The following GDAP1 variants were observed in gnomAD, a reference collection of about 807,000 sequenced individuals.
GDAP1 encodes ganglioside induced differentiation associated protein 1.
Under a neutral mutation model 40.1 loss-of-function variants are expected in GDAP1, and 34 were observed. The ratio of observed to expected loss-of-function variants is 0.85; its 90% confidence interval spans 0.64 to 1.13. The LOEUF (loss-of-function observed/expected upper bound fraction) is 1.13, where lower values mean the gene tolerates loss of function less well. Among genes scored for constraint, GDAP1 ranks in the 50% most tolerant of loss-of-function variants. The probability of loss-of-function intolerance (pLI) is 0.00; values close to 1 mark genes in which losing one functional copy is unlikely to be tolerated. For missense variants in GDAP1, 374 were observed against 433.7 expected (o/e 0.86, Z 1.22); for synonymous variants, 170 against 157.4 (o/e 1.08, Z -0.60).
chr8:74,473,494 A>G (rs4735774), intron 2 of GDAP1, among the ~76,000 whole-genome samples: 58,895 of 152,090 alleles, frequency 0.39, 11,967 homozygotes, highest in East Asian at 0.48. Flanking sequence ...GAAAGGGTTC[A>G]GTTTCAATCT....
chr8:74,409,466 C>T lies in GDAP1; in HGVS notation c.165+58145C>T, dbSNP rs951364861. On this transcript the variant is annotated intron_variant, in intron 2 of 2. Coordinates refer to the GDAP1 transcript ENST00000523640. ...TCCCAGGCTCAAGCGATTCTCCTGC[C>T]CCAGCCTCCGGAGTAGCTGGGATTA... 3.3e-5 allele frequency among the ~76,000 whole-genome samples: 5 copies of T among 149,746 alleles called. 1 individual carries two copies. The highest frequency in any genetic ancestry group is 5.1e-5 in the African/African-American group (2 of 39,112).
At position 74,374,140 on chromosome 8, in the gene GDAP1, G is replaced by A. The variant is rs1586813304; in HGVS notation, c.165+22819G>A. 2.0e-5 allele frequency among the ~76,000 whole-genome samples: 3 copies of A among 152,276 alleles called. No homozygotes were observed. In the East Asian group the frequency reaches 5.8e-4, roughly 29 times the overall value. On this transcript the variant is annotated intron_variant, in intron 2 of 2. Coordinates refer to the GDAP1 transcript ENST00000523640. The stretch of plus-strand genomic sequence containing the variant: ...TCATGGTGGATAAGCTTTTTGATGT[G>A]CTGCTGAATTCGGTTTGCCAGTATT...
intron 2 of GDAP1, among the ~76,000 whole-genome samples, chr8:74,355,752 G>A (rs977699178): frequency 1.3e-5 from 2 of 151,996 alleles, no homozygotes; most frequent in Admixed American, 1.3e-4. Flanking sequence ...CTGGTAACCT[G>A]GAATCAAGAA....
chr8:74,434,964 T>C (rs1433461602), intron 2 of GDAP1, among the ~76,000 whole-genome samples: 2 of 152,202 alleles, frequency 1.3e-5, no homozygotes, highest in Non-Finnish European at 2.9e-5. Flanking sequence ...TTTTTGTCTG[T>C]TTTTACATTT....
intron 2 of GDAP1, among the ~76,000 whole-genome samples, chr8:74,390,353 C>T (rs1339514683): frequency 1.3e-5 from 2 of 152,062 alleles, no homozygotes; most frequent in African/African-American, 4.8e-5. Flanking sequence ...TGGTGGCCTT[C>T]GTATGGGGTT....
intron 2 of GDAP1, among the ~76,000 whole-genome samples, chr8:74,470,502 T>C (rs888929956): frequency 6.6e-6 from 1 of 151,812 alleles, no homozygotes; most frequent in Non-Finnish European, 1.5e-5. Context: ...GAACATGTGG[T>C]GTCTGGTTTT....
intron 2 of GDAP1, among the ~76,000 whole-genome samples, chr8:74,410,203 C>T (rs1350812836): frequency 6.7e-6 from 1 of 149,950 alleles, no homozygotes; most frequent in Non-Finnish European, 1.5e-5. Context: ...ATTCTGGTGC[C>T]AACTCATCCA....
At chr8:74,388,208 T>A (rs1212762920) in intron 2 of GDAP1, among the ~76,000 whole-genome samples, 2 of 152,190 alleles carry the variant, frequency 1.3e-5, no homozygotes, top group East Asian at 3.8e-4. Flanking sequence ...AGTTATTTCT[T>A]GTCTTCTGCT....
chr8:74,356,583 A>G (rs1809100506), intron 2 of GDAP1, among the ~76,000 whole-genome samples: 1 of 151,718 alleles, frequency 6.6e-6, no homozygotes, highest in Admixed American at 6.6e-5. Flanking sequence ...GAGTTATGAC[A>G]GCACTGAATT....
intron 2 of GDAP1, 134 bp downstream of exon 2, chr8:74,351,600 AT>A: frequency 1.3e-6 from 1 of 789,124 alleles, no homozygotes; most frequent in East Asian, 2.4e-5. Flanking sequence ...AACCTTTTCC[AT>A]TTCCATAAGC....
Position 74,449,878 on chromosome 8 carries a change from G to C in GDAP1, c.166-38800G>C, listed in dbSNP as rs117943782. 2.1e-4 allele frequency among the ~76,000 whole-genome samples: 32 copies of C among 151,836 alleles called. No homozygotes were observed. In the East Asian group the frequency reaches 5.6e-3, roughly 27 times the overall value. ...GAGTTTAATTTTAAATAATAAATGA[G>C]TGTTAAATGGTTTTGTCTGCATCTT... On this transcript the variant is annotated intron_variant, in intron 2 of 2. Transcript: ENST00000523640.
chr8:74,413,065 CAAAA>C (rs71269990), intron 2 of GDAP1, among the ~76,000 whole-genome samples: 59 of 57,150 alleles, frequency 1.0e-3, no homozygotes, highest in African/African-American at 2.7e-3. Flanking sequence ...GACTCTGTCT[CAAAA>C]AAAAAAAAAA....
intron 2 of GDAP1, among the ~76,000 whole-genome samples, chr8:74,431,563 G>A (rs1485773908): frequency 6.6e-6 from 1 of 151,966 alleles, no homozygotes; most frequent in Admixed American, 6.6e-5. Context: ...CTCACTGCAA[G>A]CTCCGCCTCC....
chr8:74,412,137 C>T (rs1805723462), intron 2 of GDAP1, among the ~76,000 whole-genome samples: 1 of 149,804 alleles, frequency 6.7e-6, no homozygotes, highest in Admixed American at 6.6e-5. Flanking sequence ...GTTCACAATC[C>T]TAATTATATA....
chr8:74,376,314 A>G (rs1360749392), intron 2 of GDAP1, among the ~76,000 whole-genome samples: 2 of 152,004 alleles, frequency 1.3e-5, no homozygotes, highest in Non-Finnish European at 2.9e-5. Flanking sequence ...AGATAGCTAA[A>G]ACTATTTTGA....
intron 2 of GDAP1, among the ~76,000 whole-genome samples, chr8:74,477,012 AC>A (rs1445618052): frequency 6.6e-6 from 1 of 151,768 alleles, no homozygotes; most frequent in Non-Finnish European, 1.5e-5. Flanking sequence ...TTTTTGTCTG[AC>A]TGCCTTATTT....
At chr8:74,439,385 A>G (rs1424279561) in intron 2 of GDAP1, among the ~76,000 whole-genome samples, 1 of 151,946 alleles carries the variant, frequency 6.6e-6, no homozygotes, top group Non-Finnish European at 1.5e-5. Flanking sequence ...ACTTATTTTC[A>G]ATGGTATCTC....
At chr8:74,459,879 C>A (rs142472600) in intron 2 of GDAP1, among the ~76,000 whole-genome samples, 1 of 152,164 alleles carries the variant, frequency 6.6e-6, no homozygotes, top group Non-Finnish European at 1.5e-5. Context: ...AAAATTACAA[C>A]CACATTATAT....
intron 2 of GDAP1, among the ~76,000 whole-genome samples, chr8:74,446,947 T>G (rs948075664): frequency 7.9e-5 from 12 of 152,224 alleles, no homozygotes; most frequent in African/African-American, 2.6e-4. Context: ...CTGATTTTTT[T>G]GGGGAAATTA....
Sources: allele counts gnomAD v4.1 joint callset (sites outside exome capture counted in the v4.1 genomes callset), GRCh38; gene constraint gnomAD v4.1.1; transcripts MANE v1.5; gene names NCBI Gene and HGNC (gene_info 2026-07-23, HGNC 2026-07-21).